Variants in NRG1 observed in about 807,000 individuals in gnomAD.
The protein encoded by NRG1 is neuregulin 1, also known as pro-neuregulin-1, membrane-bound isoform.
Under a neutral mutation model 63.8 loss-of-function variants are expected in NRG1, and 18 were observed. The observed-to-expected ratio is 0.28, with a 90% CI of 0.19 to 0.42. The LOEUF is 0.42. NRG1 is among the 10% of genes least tolerant of loss of function. NRG1 has a pLI of 1.00. For missense variants in NRG1, 762 were observed against 814.7 expected (o/e 0.94, Z 0.79); for synonymous variants, 302 against 301.3 (o/e 1.00, Z -0.02).
intron 1 of NRG1, among the ~76,000 whole-genome samples, chr8:32,021,613 A>T (rs1293556396): frequency 6.6e-6 from 1 of 152,186 alleles, no homozygotes; most frequent in Non-Finnish European, 1.5e-5. Context: ...CATTGCAAAA[A>T]GTTGAAAAAG....
At chr8:32,735,706 A>C (rs1255516726) in intron 6 of NRG1, among the ~76,000 whole-genome samples, 1 of 152,180 alleles carries the variant, frequency 6.6e-6, no homozygotes. Flanking sequence ...TTAAGGATTC[A>C]TCATGTAGAG....
intron 1 of NRG1, among the ~76,000 whole-genome samples, chr8:32,579,195 C>CTTTTTT (rs71208196): frequency 4.6e-4 from 49 of 105,404 alleles, no homozygotes; most frequent in Non-Finnish European, 5.8e-4. Flanking sequence ...TTTCTTCTGT[C>CTTTTTT]TTTTTTTTTT....
At chr8:32,384,752 A>G (rs1483142103) in intron 1 of NRG1, among the ~76,000 whole-genome samples, 1 of 152,242 alleles carries the variant, frequency 6.6e-6, no homozygotes, top group Non-Finnish European at 1.5e-5. Context: ...AGGGCTTGTT[A>G]TAAACCTAGG....
chr8:32,075,248 T>C (rs1826321987), intron 1 of NRG1, among the ~76,000 whole-genome samples: 1 of 152,234 alleles, frequency 6.6e-6, no homozygotes, highest in Non-Finnish European at 1.5e-5. Context: ...CAAACTCTTC[T>C]ATCACTGACC....
At chr8:32,635,599 A>C (rs1449774430) in intron 5 of NRG1, among the ~76,000 whole-genome samples, 1 of 151,872 alleles carries the variant, frequency 6.6e-6, no homozygotes, top group Non-Finnish European at 1.5e-5. Context: ...TTTTTCCCCC[A>C]CCACAGGTTA....
At chr8:32,258,616 TGA>T (rs145599268) in intron 1 of NRG1, among the ~76,000 whole-genome samples, 12 of 150,548 alleles carry the variant, frequency 8.0e-5, no homozygotes, top group Admixed American at 1.3e-4. Flanking sequence ...TGGTGGCAGG[TGA>T]GAGAGAGAGA....
chr8:32,043,129 C>T (rs1315197085), intron 1 of NRG1, among the ~76,000 whole-genome samples: 1 of 151,588 alleles, frequency 6.6e-6, no homozygotes, highest in Non-Finnish European at 1.5e-5. Flanking sequence ...TAAATCCATG[C>T]CCAAAGACAT....
chr8:32,049,153 G>T (rs923980696), intron 1 of NRG1, among the ~76,000 whole-genome samples: 1 of 152,100 alleles, frequency 6.6e-6, no homozygotes, highest in Non-Finnish European at 1.5e-5. Flanking sequence ...CAAAATATTT[G>T]CTCAGCTTTG....
rs576256101 is a variant in NRG1, at chr8:32,318,587, T to A, written c.38-277241T>A. ...GCTCTCTGTCTTTTGCTACCCTGCT[T>A]TGAGTTACAGCATTTTATATGCTGA... On this transcript the variant is annotated intron_variant, in intron 1 of 10. Transcript: ENST00000519301. Among the ~76,000 whole-genome samples, 9 of 152,310 alleles carry A rather than the reference T, an allele frequency of 5.9e-5. No individual in the cohort carries two copies. The South Asian group carries it at 1.9e-3, about 32-fold the overall frequency.
At chr8:31,969,850 G>A (rs1806995258) in intron 1 of NRG1, among the ~76,000 whole-genome samples, 1 of 152,048 alleles carries the variant, frequency 6.6e-6, no homozygotes, top group Non-Finnish European at 1.5e-5. Context: ...GCAGGGGTGG[G>A]GACAGGAAGT....
intron 1 of NRG1, among the ~76,000 whole-genome samples, chr8:31,766,587 GAAT>G (rs1818087007): frequency 6.6e-6 from 1 of 152,080 alleles, no homozygotes; most frequent in African/African-American, 2.4e-5. Context: ...GTAAGCTAAA[GAAT>G]AATAGTGATA....
intron 6 of NRG1, among the ~76,000 whole-genome samples, chr8:32,731,628 G>C (rs1004421786): frequency 6.6e-6 from 1 of 152,062 alleles, no homozygotes; most frequent in African/African-American, 2.4e-5. Context: ...ACATGAAACT[G>C]TTTTTATTTT....
At chr8:32,674,502 A>G (rs1202508726) in intron 5 of NRG1, among the ~76,000 whole-genome samples, 3 of 152,146 alleles carry the variant, frequency 2.0e-5, no homozygotes, top group Admixed American at 2.0e-4. Flanking sequence ...CTAAATTCGT[A>G]TATGACAACT....
chr8:32,323,080 T>C (rs1272279762), intron 1 of NRG1, among the ~76,000 whole-genome samples: 1 of 152,094 alleles, frequency 6.6e-6, no homozygotes, highest in Non-Finnish European at 1.5e-5. Flanking sequence ...TTATGAAATA[T>C]GCTCGGTTTT....
intron 1 of NRG1, among the ~76,000 whole-genome samples, chr8:32,110,268 G>A (rs1563798229): frequency 6.6e-6 from 1 of 151,200 alleles, no homozygotes; most frequent in Admixed American, 6.6e-5. Context: ...GAACTTCAAG[G>A]GCTCAAGAGT....
At chr8:32,057,628 G>T (rs557998438) in intron 1 of NRG1, among the ~76,000 whole-genome samples, 1 of 152,228 alleles carries the variant, frequency 6.6e-6, no homozygotes, top group East Asian at 1.9e-4. Flanking sequence ...AACTTCAAGA[G>T]ACTGGTTTAA....
At chr8:32,763,117 G>A (rs1831011290) in intron 11 of NRG1, 1 of 1,214,134 alleles carries the variant, frequency 8.2e-7, no homozygotes, top group African/African-American at 1.5e-5. Context: ...CAAATTGAAT[G>A]TTAACTAGTT....
chr8:31,919,544 A>G (rs914314098), intron 1 of NRG1, among the ~76,000 whole-genome samples: 5 of 152,106 alleles, frequency 3.3e-5, no homozygotes, highest in Non-Finnish European at 7.4e-5. Flanking sequence ...TATAGTTTCA[A>G]ATAGATTTTA....
At chr8:32,179,187 TAAAAAAAAA>T (rs35411561) in intron 1 of NRG1, among the ~76,000 whole-genome samples, 3 of 66,518 alleles carry the variant, frequency 4.5e-5, no homozygotes, top group Admixed American at 4.2e-4. Context: ...CTCACAGTCA[TAAAAAAAAA>T]AAAAAAAAAA....
Sources: allele counts gnomAD v4.1 joint callset (sites outside exome capture counted in the v4.1 genomes callset), GRCh38; gene constraint gnomAD v4.1.1; transcripts MANE v1.5; gene names NCBI Gene and HGNC (gene_info 2026-07-23, HGNC 2026-07-21).